Variants in ZNF786 observed in about 807,000 individuals in gnomAD.
ZNF786 encodes the protein zinc finger protein 786.
In ZNF786, 56 loss-of-function variants were observed where a neutral mutation model predicts 63.1. That is an observed-to-expected ratio of 0.89 (90% CI 0.72 to 1.11). The LOEUF is 1.11. ZNF786 is among the 50% of genes least tolerant of loss of function. The pLI is 0.00. For synonymous variants in ZNF786, 485 were observed against 406.9 expected, an observed-to-expected ratio of 1.19 and a Z score of -2.31; for missense variants, 1,213 against 1,041.8, an observed-to-expected ratio of 1.16 and a Z score of -2.26.
chr7:149,082,401 C>T (rs1023117381), intron 1 of ZNF786: 2 of 262,854 alleles, frequency 7.6e-6, no homozygotes, highest in African/African-American at 2.3e-5. Flanking sequence ...GTGTTTATTA[C>T]AGTTGACTTA....
intron 2 of ZNF786, among the ~76,000 whole-genome samples, chr7:149,077,745 A>G (rs1825581170): frequency 6.6e-6 from 1 of 152,184 alleles, no homozygotes; most frequent in South Asian, 2.1e-4. Flanking sequence ...CTTGACCTCA[A>G]GAATTCGAGA....
Position 149,070,662 on chromosome 7 carries a change from A to G in ZNF786, c.2110T>C (p.Phe704Leu), listed in dbSNP as rs768115582. Reference sequence around the variant, plus strand: ...TTCTTGTCACACTCAGGGCAGTGAAAAGGCCTCTCCCCTGTGTGCAGGCCC... The same window carrying G: ...TTCTTGTCACACTCAGGGCAGTGAAGAGGCCTCTCCCCTGTGTGCAGGCCC... ...HQGLHTGERP[F>L]HCPECDKNFR... is the part of the protein sequence containing the mutation. The change falls in exon 4 of 4, where the codon TTT (phenylalanine) becomes CTT (leucine). Residue 704 changes from phenylalanine to leucine, a missense_variant. Physicochemically the swap from Phe to Leu is conservative, Grantham distance 22. Transcript: ENST00000491431. 3.0e-5 allele frequency: 49 copies of G among 1,613,824 alleles called. No individual in the cohort carries two copies. Among genetic ancestry groups the G allele is most frequent in the Non-Finnish European group, 4.0e-5 (47 of 1,179,898 alleles).
At chr7:149,078,937 G>A (rs1825608763) in intron 2 of ZNF786, among the ~76,000 whole-genome samples, 1 of 152,192 alleles carries the variant, frequency 6.6e-6, no homozygotes, top group Non-Finnish European at 1.5e-5. Flanking sequence ...GGGAGAAGAT[G>A]ATAGAAGAGG....
In ZNF786 at chr7:149,071,396, C is replaced by A; in HGVS notation, c.1376G>T (p.Gly459Val). ...GEKPFRCAKCGRNFRQRGQLL... is the reference protein window; with the variant it reads ...GEKPFRCAKCVRNFRQRGQLL... ...CTGTCCCCTCTGACGGAAGTTCCTG[C>A]CACACTTGGCACACCGGAAAGGCTT... The change falls in exon 4 of 4, where the codon GGC becomes GTC. Residue 459 changes from glycine (G) to valine (V), a missense_variant. By Grantham distance (109) the Gly-to-Val change is moderately radical (BLOSUM62 -3). Coordinates refer to ENST00000491431, the MANE Select transcript of ZNF786 (RefSeq NM_152411.4). 6.2e-7 allele frequency: 1 copy of A among 1,613,284 alleles called. No individual in the cohort carries two copies. Among genetic ancestry groups the A allele is most frequent in the Non-Finnish European group, 8.5e-7 (1 of 1,179,764 alleles).
rs1186379516 is a variant in ZNF786, at chr7:149,090,628, G to T, written c.13C>A (p.Pro5Thr). The T allele has an allele frequency of 1.9e-6, 3 of 1,591,434 alleles. No homozygotes were observed. The highest frequency in any genetic ancestry group is 1.7e-5 in the Admixed American group (1 of 58,636). ...AAACAGGCTAGCCCGCTTACCCGAG[G>T]CGGCTCCGCCATGGTCCCCGCGGTC... MAEP[P>T]RLPLTFEDVA... is the part of the protein sequence containing the mutation. Residue 5 changes from proline to threonine, a missense_variant, in exon 1 of 4, where the codon CCT (proline) becomes ACT (threonine). Transcript: ENST00000491431.
At chr7:149,078,229 T>A (rs1298137339) in intron 2 of ZNF786, among the ~76,000 whole-genome samples, 1 of 152,182 alleles carries the variant, frequency 6.6e-6, no homozygotes, top group Non-Finnish European at 1.5e-5. Context: ...ATCTTGATGC[T>A]TGGAACATTC....
At chr7:149,073,777 A>G (rs1189371000) in intron 3 of ZNF786, among the ~76,000 whole-genome samples, 11 of 97,448 alleles carry the variant, frequency 1.1e-4, no homozygotes, top group South Asian at 4.3e-4. Context: ...ATATATATAT[A>G]TATGTATATA....
chr7:149,070,647 A>T lies in ZNF786; in HGVS notation c.2125T>A (p.Cys709Ser). 6.2e-7 allele frequency: 1 copy of T among 1,613,868 alleles called. No homozygotes were observed. Among genetic ancestry groups the T allele is most frequent in the South Asian group, 1.1e-5 (1 of 91,080 alleles). The stretch of plus-strand genomic sequence containing the variant: ...CCCCTTTCCCGGAAGTTCTTGTCAC[A>T]CTCAGGGCAGTGAAAAGGCCTCTCC... Reference protein sequence around the residue: ...TGERPFHCPECDKNFRERGHM... With the variant: ...TGERPFHCPESDKNFRERGHM... The change falls in exon 4 of 4, where the codon TGT becomes AGT. Residue 709 changes from cysteine (C) to serine (S), a missense_variant. Cys to Ser is a moderately radical substitution (Grantham distance 112). Transcript: ENST00000491431.
In ZNF786 at chr7:149,072,080, C is replaced by T. The variant is rs1428760073; in HGVS notation, c.692G>A (p.Trp231Ter). Residue 231 changes from tryptophan to a stop codon, truncating the protein, a stop_gained, in exon 4 of 4, where the codon TGG (tryptophan) becomes TAG (stop). Coordinates refer to ENST00000491431, the MANE Select transcript of ZNF786 (RefSeq NM_152411.4). LOFTEE classifies it high-confidence loss of function. ...FNKRAETQMP[W>*]SSPRVQRHFR... is the part of the protein sequence containing the mutation. ...GTGCCTCTGTACCCGAGGGCTGCTCCACGGCATCTGCGTCTCCGCCCTCTT... is the reference window on the plus strand; with the variant it reads ...GTGCCTCTGTACCCGAGGGCTGCTCTACGGCATCTGCGTCTCCGCCCTCTT... The T allele has an allele frequency of 1.9e-6, 3 of 1,613,150 alleles. No homozygotes were observed. The highest frequency in any genetic ancestry group is 2.5e-6 in the Non-Finnish European group (3 of 1,179,722).
In ZNF786 at chr7:149,071,984, G is replaced by A. The variant is rs374335886; in HGVS notation, c.788C>T (p.Thr263Met). 13 of 1,612,518 alleles carry A rather than the reference G, an allele frequency of 8.1e-6. No homozygotes were observed. Among genetic ancestry groups the A allele is most frequent in the South Asian group, 1.1e-5 (1 of 91,080 alleles). The change falls in exon 4 of 4, where the codon ACG becomes ATG. Residue 263 changes from threonine (T) to methionine (M), a missense_variant. Thr to Met is a moderately conservative substitution (Grantham distance 81). Coordinates refer to ENST00000491431, the MANE Select transcript of ZNF786 (RefSeq NM_152411.4). ...LCLLRHLAAH[T>M]GRGPFRNADG... The stretch of plus-strand genomic sequence containing the variant: ...AGCGTTCCGGAAGGGGCCCCTCCCC[G>A]TGTGGGCCGCCAGATGGCGCAGCAG...
Position 149,089,020 on chromosome 7 carries a change from G to A in ZNF786, c.18+1603C>T, listed in dbSNP as rs138162606. 1.0e-3 allele frequency among the ~76,000 whole-genome samples: 143 copies of A among 136,714 alleles called. 2 individuals are homozygous for A. Among genetic ancestry groups the A allele is most frequent in the African/African-American group, 3.4e-3 (124 of 36,488 alleles). The allele number at this position is 136,714 out of a possible 152,430, so 89.7% of individuals were successfully genotyped here. A position where few individuals can be genotyped will look rare whatever the true frequency, so the allele number is the denominator to read the frequency against. On this transcript the variant is annotated intron_variant, in intron 1 of 3. Coordinates refer to ENST00000491431, the MANE Select transcript of ZNF786 (RefSeq NM_152411.4). ...CGCCCAGGCTGGAGTGCAGTGGCGC[G>A]ATCTCGGCTCGCTGCAAGCTCCGCC...
Position 149,071,434 on chromosome 7 carries a change from G to T in ZNF786, c.1338C>A (p.Val446=). ...KQCKLTEHIR[V]HSGEKPFRCA... is the part of the protein sequence containing the mutation. ...ACCGGAAAGGCTTCTCTCCGCTGTGGACTCGAATGTGCTCCGTGAGTTTAC... is the reference window on the plus strand; with the variant it reads ...ACCGGAAAGGCTTCTCTCCGCTGTGTACTCGAATGTGCTCCGTGAGTTTAC... The change falls in exon 4 of 4, where the codon GTC becomes GTA. Residue 446 remains valine (V), a synonymous_variant. Coordinates refer to ENST00000491431, the MANE Select transcript of ZNF786 (RefSeq NM_152411.4). The T allele has an allele frequency of 1.2e-6, 2 of 1,605,072 alleles. No individual in the cohort carries two copies. The highest frequency in any genetic ancestry group is 1.1e-5 in the South Asian group (1 of 90,384).
rs1479870475 is a variant in ZNF786, at chr7:149,072,210, G to A, written c.562C>T (p.Pro188Ser). ...CAGCTTTCCCCGCAGACAGGCCAAG[G>A]GTGCTGGGTGCTCTCCCAGGCGGGG... is the stretch of plus-strand genomic sequence containing the variant. ...DVPAWESTQH[P>S]WPVCGESCWE... The change falls in exon 4 of 4, where the codon CCT (proline) becomes TCT (serine). Residue 188 changes from proline (P) to serine (S), a missense_variant. Pro to Ser is a moderately conservative substitution (Grantham distance 74). Transcript: ENST00000491431. The A allele has an allele frequency of 6.2e-7, 1 of 1,613,474 alleles. No homozygotes were observed. Among genetic ancestry groups the A allele is most frequent in the Non-Finnish European group, 8.5e-7 (1 of 1,179,806 alleles).
chr7:149,072,574 G>A, intron 3 of ZNF786, 101 bp from the exon 4 acceptor site: 1 of 1,367,990 alleles, frequency 7.3e-7, no homozygotes, highest in Non-Finnish European at 9.6e-7. Context: ...GGTGGCCTGG[G>A]AACCCAGCTT....
At chr7:149,090,217 C>A (rs1278033322) in intron 1 of ZNF786, among the ~76,000 whole-genome samples, 2 of 152,216 alleles carry the variant, frequency 1.3e-5, no homozygotes, top group African/African-American at 2.4e-5. Flanking sequence ...CCATTTCAAC[C>A]ATTCGGAATC....
In ZNF786 at chr7:149,072,068, C is replaced by A. The variant is rs778576972; in HGVS notation, c.704G>T (p.Arg235Leu). The A allele has an allele frequency of 1.2e-6, 2 of 1,613,072 alleles. No individual in the cohort carries two copies. The highest frequency in any genetic ancestry group is 2.7e-5 in the African/African-American group (2 of 74,938). The change falls in exon 4 of 4, where the codon CGG (arginine) becomes CTG (leucine). Residue 235 changes from arginine to leucine, a missense_variant. Transcript: ENST00000491431. ...GCCACACCGGAAGTGCCTCTGTACC[C>A]GAGGGCTGCTCCACGGCATCTGCGT... ...AETQMPWSSP[R>L]VQRHFRCGVC...
In ZNF786 at chr7:149,087,238, A is replaced by T. The variant is rs1380201411; in HGVS notation, c.18+3385T>A. Among the ~76,000 whole-genome samples the T allele has an allele frequency of 1.3e-5, 2 of 152,228 alleles. 1 individual carries two copies. The highest frequency in any genetic ancestry group is 4.8e-5 in the African/African-American group (2 of 41,464). ...AAATTCATTATTTTAACTTTAAGGA[A>T]ATATAGTCATTTCTGCTATAATCCT... On this transcript the variant is annotated intron_variant, in intron 1 of 3. Transcript: ENST00000491431.
intron 2 of ZNF786, among the ~76,000 whole-genome samples, chr7:149,080,064 C>T (rs989066081): frequency 2.6e-5 from 4 of 151,852 alleles, no homozygotes; most frequent in East Asian, 3.9e-4. Context: ...CCCAGTTACT[C>T]GGTAGGCTGA....
Position 149,090,647 on chromosome 7 carries a change from C to T in ZNF786, c.-7G>A. On this transcript the variant is annotated 5_prime_UTR_variant, in exon 1 of 4. Coordinates refer to ENST00000491431, the MANE Select transcript of ZNF786 (RefSeq NM_152411.4). The stretch of plus-strand genomic sequence containing the variant: ...CCCGAGGCGGCTCCGCCATGGTCCC[C>T]GCGGTCCCGCCCGGCCCTGGCAAAC... 1.3e-6 allele frequency: 2 copies of T among 1,588,006 alleles called. No homozygotes were observed. Among genetic ancestry groups the T allele is most frequent in the Non-Finnish European group, 1.7e-6 (2 of 1,166,360 alleles).
Sources: allele counts gnomAD v4.1 joint callset (sites outside exome capture counted in the v4.1 genomes callset), GRCh38; gene constraint gnomAD v4.1.1; transcripts MANE v1.5; gene names NCBI Gene and HGNC (gene_info 2026-07-23, HGNC 2026-07-21).